The following FGF14 variants were observed in gnomAD, a reference collection of about 807,000 sequenced individuals.
The protein encoded by FGF14 is fibroblast growth factor homologous factor 4.
In FGF14, 5 loss-of-function variants were observed where a neutral mutation model predicts 25.5. The observed-to-expected ratio is 0.20, with a 90% CI of 0.10 to 0.41. The LOEUF (loss-of-function observed/expected upper bound fraction) is 0.41, where lower values mean the gene tolerates loss of function less well. Ranked by LOEUF, FGF14 falls within the 10% of genes least tolerant of loss-of-function variation. The pLI is 1.00. For synonymous variants in FGF14, 138 were observed against 118.3 expected (o/e 1.17, Z -1.08); for missense variants, 222 against 320.1 (o/e 0.69, Z 2.34).
At chr13:102,253,862 C>G (rs1204582060) in intron 1 of FGF14, among the ~76,000 whole-genome samples, 1 of 152,138 alleles carries the variant, frequency 6.6e-6, no homozygotes, top group Non-Finnish European at 1.5e-5. Flanking sequence ...GCTATATAAG[C>G]CTCTTAATTA....
intron 3 of FGF14, among the ~76,000 whole-genome samples, chr13:101,837,188 G>C (rs1163569910): frequency 2.0e-5 from 3 of 151,970 alleles, no homozygotes; most frequent in Non-Finnish European, 4.4e-5. Flanking sequence ...GTGTGTATGT[G>C]TGTTTGTGTG....
intron 3 of FGF14, among the ~76,000 whole-genome samples, chr13:101,830,928 C>A (rs73557494): frequency 0.013 from 1,964 of 152,144 alleles, 52 homozygotes; most frequent in African/African-American, 0.044. Context: ...AGCCAAATAC[C>A]ATTTCATCAC....
chr13:102,022,923 CCT>C (rs2040735778), intron 1 of FGF14, among the ~76,000 whole-genome samples: 2 of 151,908 alleles, frequency 1.3e-5, no homozygotes, highest in Admixed American at 1.3e-4. Flanking sequence ...AGAGGAAGCA[CCT>C]TGTGTGAAGC....
At chr13:102,100,028 G>A (rs2044585519) in intron 1 of FGF14, among the ~76,000 whole-genome samples, 1 of 152,128 alleles carries the variant, frequency 6.6e-6, no homozygotes, top group Admixed American at 6.5e-5. Context: ...GATGAATTGG[G>A]ATGAGGCTAG....
upstream of FGF14, chr13:102,402,234 A>T (rs1296443349): frequency 6.5e-6 from 1 of 154,704 alleles, no homozygotes; most frequent in African/African-American, 2.4e-5. Flanking sequence ...GATCGGTTTG[A>T]ACCTGCAGTT....
rs2034892346 is a variant in FGF14 at position 101,720,459 on chromosome 13, A to AGACTT, written c.*2367_*2371dup. 1 of 152,096 alleles carries AGACTT rather than the reference A, an allele frequency of 6.6e-6. No individual in the cohort carries two copies. Among genetic ancestry groups the AGACTT allele is most frequent in the East Asian group, 1.9e-4 (1 of 5,184 alleles). 9.4% of individuals were successfully genotyped at this position (152,096 alleles called of 1,614,324 possible). A position where few individuals can be genotyped will look rare whatever the true frequency, so the allele number is the denominator to read the frequency against. On this transcript the variant is annotated 3_prime_UTR_variant, in exon 5 of 5. Coordinates refer to ENST00000376143, the MANE Select transcript of FGF14 (RefSeq NM_004115.4). ...CTTGTCTTAATTTAAACCAATAAACAGACTTGCAGGGGAAAAAGAAACCAG... is the reference window on the plus strand; with the variant it reads ...CTTGTCTTAATTTAAACCAATAAACAGACTTGACTTGCAGGGGAAAAAGAAACCAG...
chr13:101,788,872 C>CA (rs1191155782), intron 3 of FGF14, among the ~76,000 whole-genome samples: 1 of 26,406 alleles, frequency 3.8e-5, no homozygotes, highest in African/African-American at 1.0e-4. Context: ...CCTTTTTTGA[C>CA]TATATATATA....
intron 1 of FGF14, among the ~76,000 whole-genome samples, chr13:102,284,889 C>T (rs2054017928): frequency 6.6e-6 from 1 of 151,878 alleles, no homozygotes; most frequent in Non-Finnish European, 1.5e-5. Flanking sequence ...TCTCTCTCAC[C>T]CTGTCATTCT....
At chr13:102,372,852 GC>G (rs1336951594) in intron 1 of FGF14, among the ~76,000 whole-genome samples, 2 of 152,092 alleles carry the variant, frequency 1.3e-5, no homozygotes, top group East Asian at 1.9e-4. Context: ...CTACTGTGAA[GC>G]TTTATATGCA....
intron 1 of FGF14, among the ~76,000 whole-genome samples, chr13:101,964,475 G>A (rs1398620584): frequency 6.6e-6 from 1 of 152,152 alleles, no homozygotes; most frequent in Non-Finnish European, 1.5e-5. Flanking sequence ...CAAGGGCTGA[G>A]GACTTCAATC....
chr13:102,031,035 T>C (rs1489546138), intron 1 of FGF14, among the ~76,000 whole-genome samples: 1 of 152,064 alleles, frequency 6.6e-6, no homozygotes, highest in African/African-American at 2.4e-5. Context: ...CAAAATAAAA[T>C]TGGTTTCCAT....
chr13:101,745,607 C>T (rs1170539098), intron 3 of FGF14, among the ~76,000 whole-genome samples: 12 of 152,044 alleles, frequency 7.9e-5, no homozygotes, highest in Non-Finnish European at 1.3e-4. Context: ...TGAAATCATA[C>T]AGTATGTAGT....
intron 1 of FGF14, among the ~76,000 whole-genome samples, chr13:102,117,459 G>A (rs657889): frequency 0.53 from 80,784 of 151,984 alleles, 22,870 homozygotes; most frequent in East Asian, 0.75. Flanking sequence ...GCCTCAACTC[G>A]GCTTCGTAGA....
chr13:102,294,692 G>A (rs2054606975), intron 1 of FGF14, among the ~76,000 whole-genome samples: 1 of 152,054 alleles, frequency 6.6e-6, no homozygotes, highest in African/African-American at 2.4e-5. Context: ...TTCTCCAGTG[G>A]TCAAAATAGC....
intron 1 of FGF14, among the ~76,000 whole-genome samples, chr13:101,903,875 G>A (rs918799806): frequency 1.3e-5 from 2 of 152,184 alleles, no homozygotes; most frequent in African/African-American, 4.8e-5. Flanking sequence ...TTGTATGAGT[G>A]TACGGAGTAC....
intron 1 of FGF14, among the ~76,000 whole-genome samples, chr13:102,075,342 A>G (rs2043315933): frequency 6.6e-6 from 1 of 152,222 alleles, no homozygotes; most frequent in Non-Finnish European, 1.5e-5. Flanking sequence ...AACTTAAAAT[A>G]CAATTACCTG....
intron 3 of FGF14, among the ~76,000 whole-genome samples, chr13:101,793,746 C>T (rs2040368146): frequency 6.6e-6 from 1 of 152,036 alleles, no homozygotes; most frequent in Admixed American, 6.6e-5. Flanking sequence ...CTTCCTACAC[C>T]CAAACTGATT....
At chr13:101,836,267 G>C (rs576237319) in intron 3 of FGF14, among the ~76,000 whole-genome samples, 3 of 151,998 alleles carry the variant, frequency 2.0e-5, no homozygotes, top group Non-Finnish European at 4.4e-5. Context: ...AGACAAATAA[G>C]ATTCTACCTG....
intron 2 of FGF14, among the ~76,000 whole-genome samples, chr13:101,869,143 G>T (rs995677396): frequency 2.0e-5 from 3 of 152,136 alleles, no homozygotes; most frequent in Non-Finnish European, 4.4e-5. Flanking sequence ...GATACCAAAA[G>T]AAATCAACTG....
Sources: allele counts gnomAD v4.1 joint callset (sites outside exome capture counted in the v4.1 genomes callset), GRCh38; gene constraint gnomAD v4.1.1; transcripts MANE v1.5; gene names NCBI Gene and HGNC (gene_info 2026-07-23, HGNC 2026-07-21).